The following PLXND1 variants were observed in gnomAD, a reference collection of about 807,000 sequenced individuals.
PLXND1 encodes plexin-D1.
Under a neutral mutation model 197.7 loss-of-function variants are expected in PLXND1, and 54 were observed. The observed-to-expected ratio is 0.27, with a 90% confidence interval of 0.22 to 0.34. The LOEUF (loss-of-function observed/expected upper bound fraction) is 0.34. PLXND1 is among the 10% of genes least tolerant of loss of function. PLXND1 has a pLI of 1.00. For missense variants in PLXND1, 2,127 were observed against 2,699.2 expected (o/e 0.79, Z 4.70); for synonymous variants, 1,180 against 1,161.2 (o/e 1.02, Z -0.33).
chr3:129,604,472 A>T (rs2085755332), intron 1 of PLXND1, among the ~76,000 whole-genome samples: 1 of 152,192 alleles, frequency 6.6e-6, no homozygotes, highest in South Asian at 2.1e-4. Flanking sequence ...TCATCTGTAA[A>T]ATGTGATGAG....
intron 20 of PLXND1, 118 bp downstream of exon 20, chr3:129,569,725 C>CCTTT: frequency 1.5e-6 from 1 of 667,078 alleles, no homozygotes; most frequent in South Asian, 1.7e-5. Flanking sequence ...CATGGCCAAG[C>CCTTT]CTTTGTTCAA....
intron 25 of PLXND1, 114 bp from the exon 26 acceptor site, chr3:129,563,354 G>A: frequency 1.2e-6 from 1 of 833,458 alleles, no homozygotes; most frequent in East Asian, 2.7e-5. Flanking sequence ...TCTCCTTTTG[G>A]ATCCTGGTGT....
chr3:129,567,276 G>C (rs1027526775), intron 22 of PLXND1, among the ~76,000 whole-genome samples: 1 of 152,210 alleles, frequency 6.6e-6, no homozygotes, highest in African/African-American at 2.4e-5. Flanking sequence ...CTTCCATATG[G>C]ACTGTTAAAC....
chr3:129,594,399 G>A (rs751147184), intron 1 of PLXND1, among the ~76,000 whole-genome samples: 2 of 152,170 alleles, frequency 1.3e-5, no homozygotes, highest in Admixed American at 6.5e-5. Context: ...TGGAAGGATC[G>A]CCTGAAGCCT....
rs371635893 is a variant in PLXND1, at chr3:129,558,085, G to A, written c.5445+343C>T. 1.3e-5 allele frequency among the ~76,000 whole-genome samples: 2 copies of A among 152,222 alleles called. No homozygotes were observed. Among genetic ancestry groups the A allele is most frequent in the South Asian group, 2.1e-4 (1 of 4,834 alleles). On this transcript the variant is annotated intron_variant, in intron 33 of 35. Transcript: ENST00000324093. This position sits in a 1 kb window ranked among gnomAD's most constrained non-coding sequence, Gnocchi z 4.1. ...GGGGCTACTGCCCAGAGCCTGGCCC[G>A]GTTTTCAGATGATGTTGTGCCTGAC...
chr3:129,575,841 C>T lies in PLXND1; in HGVS notation c.2361G>A (p.Glu787=), dbSNP rs779593197. 3 of 1,611,522 alleles carry T rather than the reference C, an allele frequency of 1.9e-6. No individual in the cohort carries two copies. The highest frequency in any genetic ancestry group is 2.5e-6 in the Non-Finnish European group (3 of 1,178,056). Residue 787 remains glutamate (E), a synonymous_variant, in exon 10 of 36, where the codon GAG becomes GAA. Transcript: ENST00000324093. Reference sequence around the variant, plus strand: ...AGATCTCCTCCAGCCCAAAACTACACTCCAGGGCTGCACCCTGTGGGAAAC... The same window carrying T: ...AGATCTCCTCCAGCCCAAAACTACATTCCAGGGCTGCACCCTGTGGGAAAC... The part of the protein sequence containing the change: ...NTAFFQGAAL[E]CSFGLEEIFE...
intron 1 of PLXND1, 27 bp from the exon 2 acceptor site, chr3:129,589,554 C>T (rs768851578): frequency 2.0e-6 from 3 of 1,533,864 alleles, no homozygotes; most frequent in Non-Finnish European, 2.6e-6. Context: ...ACGTCAGATC[C>T]CAGCTCCAGA....
At chr3:129,586,505 G>A in intron 3 of PLXND1, 83 bp downstream of exon 3, 2 of 1,485,336 alleles carry the variant, frequency 1.3e-6, no homozygotes, top group African/African-American at 1.4e-5. Flanking sequence ...GCTCCCAGCA[G>A]AGGAACAGCG....
At chr3:129,585,225 A>G (rs965867825) in intron 5 of PLXND1, among the ~76,000 whole-genome samples, 2 of 152,232 alleles carry the variant, frequency 1.3e-5, no homozygotes, top group African/African-American at 2.4e-5. Context: ...AGGGCAGGGC[A>G]GAGGAGCCCC....
At chr3:129,581,517 CAG>C (rs751965643) in intron 8 of PLXND1, among the ~76,000 whole-genome samples, 2 of 152,356 alleles carry the variant, frequency 1.3e-5, no homozygotes, top group East Asian at 1.9e-4. Flanking sequence ...GGCCCACCCA[CAG>C]AGAGTGGCCA....
At chr3:129,561,151 C>G (rs1356923100) in intron 29 of PLXND1, 1 of 466,800 alleles carries the variant, frequency 2.1e-6, no homozygotes, top group African/African-American at 2.0e-5. Context: ...TTTGCCCACC[C>G]CACCCCTGAG....
rs369513517 is a variant in PLXND1 at position 129,565,937 on chromosome 3, G to A, written c.4272C>T (p.Ile1424=). 6.8e-6 allele frequency: 11 copies of A among 1,614,046 alleles called. No homozygotes were observed. The highest frequency in any genetic ancestry group is 5.9e-6 in the Non-Finnish European group (7 of 1,180,000). The change falls in exon 24 of 36, where the codon ATC becomes ATT. Residue 1424 remains isoleucine (I), a synonymous_variant. Coordinates refer to ENST00000324093, the MANE Select transcript of PLXND1 (RefSeq NM_015103.3). ...GCTGCTCCAGCGCGTGGACAAAGAC[G>A]ATGAGGAAGTGCTTGTTGTTGAGTA... ...SSLLNNKHFL[I]VFVHALEQQK...
At chr3:129,563,916 G>A (rs554953418) in intron 25 of PLXND1, among the ~76,000 whole-genome samples, 1 of 152,238 alleles carries the variant, frequency 6.6e-6, no homozygotes, top group Non-Finnish European at 1.5e-5. Flanking sequence ...AGGCAGATTT[G>A]GCAAAGATTA....
rs71333626 is a variant in PLXND1 at position 129,579,049 on chromosome 3, C to T, written c.2242-616G>A. Among the ~76,000 whole-genome samples, 1,072 of 152,300 alleles carry T rather than the reference C, an allele frequency of 7.0e-3. 9 individuals are homozygous for T. Among genetic ancestry groups the T allele is most frequent in the Admixed American group, 0.014 (215 of 15,312 alleles). On this transcript the variant is annotated intron_variant, in intron 8 of 35. Coordinates refer to ENST00000324093, the MANE Select transcript of PLXND1 (RefSeq NM_015103.3). ...TAGGTGAAGGTGCCAGCCCCAGATA[C>T]TCCCAGGAAGGGCCCCGGGCTCATG...
At chr3:129,595,102 G>GATGGGCT (rs1292568438) in intron 1 of PLXND1, among the ~76,000 whole-genome samples, 6,069 of 152,286 alleles carry the variant, frequency 0.04, 385 homozygotes, top group African/African-American at 0.14. Flanking sequence ...CCTGAGTGGA[G>GATGGGCT]CCCATGTGGC....
intron 5 of PLXND1, among the ~76,000 whole-genome samples, chr3:129,585,426 G>C (rs1043409601): frequency 6.6e-6 from 1 of 152,224 alleles, no homozygotes; most frequent in Non-Finnish European, 1.5e-5. Flanking sequence ...AGCCCTCCTG[G>C]CACAAGCCGG....
chr3:129,584,057 G>A, intron 7 of PLXND1, 68 bp downstream of exon 7: 2 of 1,045,858 alleles, frequency 1.9e-6, no homozygotes, highest in Non-Finnish European at 2.9e-6. Flanking sequence ...CCCCCTGAAA[G>A]CAAAGACCCT....
Position 129,558,288 on chromosome 3 carries a change from T to A in PLXND1, c.5445+140A>T. ...GTCTGAATGAGTCACTCATCCCACATCCCCTAGACCTGAGATCTTTTGGTT... is the reference window on the plus strand; with the variant it reads ...GTCTGAATGAGTCACTCATCCCACAACCCCTAGACCTGAGATCTTTTGGTT... On this transcript the variant is annotated intron_variant, in intron 33 of 35. Coordinates refer to ENST00000324093, the MANE Select transcript of PLXND1 (RefSeq NM_015103.3). The surrounding 1 kb of genome is among the most constrained non-coding windows in gnomAD (Gnocchi z 4.1). 2.6e-6 allele frequency: 2 copies of A among 759,418 alleles called. No individual in the cohort carries two copies. Among genetic ancestry groups the A allele is most frequent in the Non-Finnish European group, 4.3e-6 (2 of 466,244 alleles). The allele number at this position is 759,418 out of a possible 1,614,324, so 47.0% of individuals were successfully genotyped here.
chr3:129,561,638 C>A lies in PLXND1; in HGVS notation c.4993+8G>T, dbSNP rs765091550. The A allele has an allele frequency of 1.9e-6, 3 of 1,599,158 alleles. No individual in the cohort carries two copies. The highest frequency in any genetic ancestry group is 1.7e-6 in the Non-Finnish European group (2 of 1,170,884). On this transcript the variant is annotated splice_region_variant and intron_variant, in intron 29 of 35. Transcript: ENST00000324093. ...CCTGGGCTCCCTTCCCACGTGCACC[C>A]GCACTACCTCGGCCCAGTGTGTTGT... is the stretch of plus-strand genomic sequence containing the variant.
Sources: gnomAD v4.1 joint callset for allele counts (sites outside exome capture counted in the v4.1 genomes callset) on GRCh38, gnomAD v4.1.1 for gene constraint, Gnocchi (gnomAD v3.1) non-coding constraint, MANE v1.5 for transcripts, NCBI Gene and HGNC (gene_info 2026-07-23, HGNC 2026-07-21) for gene names.